Variants in ITSN1 observed in about 807,000 individuals in gnomAD.
ITSN1 encodes intersectin-1.
In ITSN1, 58 loss-of-function variants were observed where a neutral mutation model predicts 239.8. The observed-to-expected ratio is 0.24, with a 90% confidence interval of 0.20 to 0.30. The LOEUF (loss-of-function observed/expected upper bound fraction) is 0.30, where lower values mean the gene tolerates loss of function less well. ITSN1 is among the 10% of genes least tolerant of loss of function. The pLI is 1.00. For synonymous variants in ITSN1, 780 were observed against 770.8 expected, an observed-to-expected ratio of 1.01 and a Z score of -0.20; for missense variants, 1,558 against 2,103.3, an observed-to-expected ratio of 0.74 and a Z score of 5.07.
intron 1 of ITSN1, among the ~76,000 whole-genome samples, chr21:33,717,588 C>T (rs1196383849): frequency 6.6e-6 from 1 of 152,016 alleles, no homozygotes; most frequent in Non-Finnish European, 1.5e-5. Context: ...CGGAGTCTGG[C>T]TAAGTCACCC....
rs1986440309 is a variant in ITSN1, at chr21:33,892,652, A to T, written c.*4352A>T. ...CTCTAGAACAGCCCTAACCTGCACT[A>T]GTGAGGGGGGCTCAGGAATTCCCAT... is the stretch of plus-strand genomic sequence containing the variant. On this transcript the variant is annotated 3_prime_UTR_variant, in exon 40 of 40. Transcript: ENST00000381318. 1.3e-5 allele frequency: 2 copies of T among 152,208 alleles called. No individual in the cohort carries two copies. The highest frequency in any genetic ancestry group is 4.1e-4 in the South Asian group (2 of 4,836). The allele number at this position is 152,208 out of a possible 1,614,324, so 9.4% of individuals were successfully genotyped here.
rs955517591 is a variant in ITSN1 at position 33,721,073 on chromosome 21, A to G, written c.29-105A>G. 9 of 727,808 alleles carry G rather than the reference A, an allele frequency of 1.2e-5. No individual in the cohort carries two copies. In the Admixed American group the frequency reaches 1.3e-4, roughly 10 times the overall value. 45.1% of individuals were successfully genotyped at this position (727,808 alleles called of 1,614,324 possible). ...GAAGATGTGAATTTATCAAGTCTTT[A>G]TAATACATTGACAGAATCTTGAAGT... is the stretch of plus-strand genomic sequence containing the variant. On this transcript the variant is annotated intron_variant, in intron 2 of 39. Transcript: ENST00000381318.
chr21:33,765,888 A>G lies in ITSN1; in HGVS notation c.802A>G (p.Ile268Val), dbSNP rs2068689412. 2 of 1,614,040 alleles carry G rather than the reference A, an allele frequency of 1.2e-6. No individual in the cohort carries two copies. The highest frequency in any genetic ancestry group is 1.3e-5 in the African/African-American group (1 of 74,932). The change falls in exon 10 of 40, where the codon ATT (isoleucine) becomes GTT (valine). Residue 268 changes from isoleucine (I) to valine (V), a missense_variant. Around this residue, in one of 2 missense-constraint regions of ITSN1, gnomAD observed 982 missense variants for 1,209.9 expected, o/e 0.81. Coordinates refer to ENST00000381318, the MANE Select transcript of ITSN1 (RefSeq NM_003024.3). ...TTTGTTGAATAGGAATCTTTCTGAC[A>G]TTGATCAAGATGGAAAACTTACAGC... ...QLASIWNLSD[I>V]DQDGKLTAEE...
intron 31 of ITSN1, among the ~76,000 whole-genome samples, chr21:33,860,257 A>G (rs924351811): frequency 1.3e-5 from 2 of 151,704 alleles, no homozygotes; most frequent in African/African-American, 4.8e-5. Flanking sequence ...TAGTAAGCCA[A>G]GATCGCACCA....
At chr21:33,841,543 A>G (rs2834275) in intron 29 of ITSN1, among the ~76,000 whole-genome samples, 17,554 of 152,100 alleles carry the variant, frequency 0.12, 2,820 homozygotes, top group African/African-American at 0.36. Context: ...CTTCCCAAAA[A>G]CAACAGTGGC....
chr21:33,822,932 G>A (rs184469684), intron 24 of ITSN1, among the ~76,000 whole-genome samples: 71 of 152,246 alleles, frequency 4.7e-4, no homozygotes, highest in Admixed American at 4.4e-3. Context: ...GGCACAATAG[G>A]ACATAAGTTT....
intron 1 of ITSN1, among the ~76,000 whole-genome samples, chr21:33,687,069 G>A (rs1420602178): frequency 6.6e-6 from 1 of 152,102 alleles, no homozygotes; most frequent in African/African-American, 2.4e-5. Flanking sequence ...GGTGGCCCAT[G>A]CCTGTAATCC....
rs144552454 is a variant in ITSN1, at chr21:33,849,704, C to T, written c.3662-7032C>T. Among the ~76,000 whole-genome samples, 24 of 152,088 alleles carry T rather than the reference C, an allele frequency of 1.6e-4. No homozygotes were observed. The East Asian group carries it at 4.2e-3, about 27-fold the overall frequency. ...CACAAAGGATAAATGCTTGAGGGGA[C>T]GGATACCCCATTCTTATGATGTGAT... On this transcript the variant is annotated intron_variant, in intron 29 of 39. Coordinates refer to ENST00000381318, the MANE Select transcript of ITSN1 (RefSeq NM_003024.3).
chr21:33,774,516 A>G, intron 12 of ITSN1: 1 of 447,108 alleles, frequency 2.2e-6, no homozygotes, highest in Admixed American at 3.8e-5. Flanking sequence ...ATATAGTATT[A>G]TGTAAATATA....
chr21:33,794,549 T>G, intron 17 of ITSN1, 81 bp downstream of exon 17: 1 of 1,525,582 alleles, frequency 6.6e-7, no homozygotes, highest in Non-Finnish European at 8.8e-7. Flanking sequence ...TCCAAGTAGT[T>G]ACTGCACCAG....
In ITSN1 at chr21:33,720,944, T is replaced by G. The variant is rs144446743; in HGVS notation, c.29-234T>G. On this transcript the variant is annotated intron_variant, in intron 2 of 39. Transcript: ENST00000381318. ...AACAAGTTTCTAAAAAAGGAATGTG[T>G]GCCTCTTCTTTTCTTTCCCTCCCAT... 4.4e-3 allele frequency among the ~76,000 whole-genome samples: 666 copies of G among 152,320 alleles called. 8 individuals carry two copies. The highest frequency in any genetic ancestry group is 0.015 in the African/African-American group (633 of 41,568).
At position 33,724,239 on chromosome 21, in the gene ITSN1, G is replaced by A. The variant is rs991853551; in HGVS notation, c.185+1588G>A. 1.8e-4 allele frequency among the ~76,000 whole-genome samples: 27 copies of A among 152,216 alleles called. 1 individual carries two copies. Among genetic ancestry groups the A allele is most frequent in the Admixed American group, 1.4e-3 (22 of 15,292 alleles). ...GCCGCCAGACTGTCTCTAAACTAGT[G>A]TGCTTGCTCCTCTGAAGCCATTCTA... On this transcript the variant is annotated intron_variant, in intron 4 of 39. Transcript: ENST00000381318.
chr21:33,707,896 C>G (rs773439029), intron 1 of ITSN1, among the ~76,000 whole-genome samples: 3 of 152,158 alleles, frequency 2.0e-5, no homozygotes, highest in Non-Finnish European at 4.4e-5. Context: ...TTTCATTTCT[C>G]TTAACCAAAT....
chr21:33,690,796 T>C (rs1201923438), intron 1 of ITSN1, among the ~76,000 whole-genome samples: 1 of 20,924 alleles, frequency 4.8e-5, no homozygotes, highest in East Asian at 5.5e-4. Context: ...TATACATATA[T>C]ATATATATAT....
chr21:33,754,924 T>C (rs1340792963), intron 7 of ITSN1, among the ~76,000 whole-genome samples: 3 of 152,216 alleles, frequency 2.0e-5, no homozygotes, highest in Non-Finnish European at 2.9e-5. Flanking sequence ...AGCATTGCTT[T>C]TTAACCAAAA....
rs147385135 is a variant in ITSN1 at position 33,693,266 on chromosome 21, G to A, written c.-32-25531G>A. ...CAGATACATAGCCGCTCTTCTCTTGGGACTAGTCTTGATACCTTTTGTATT... is the reference window on the plus strand; with the variant it reads ...CAGATACATAGCCGCTCTTCTCTTGAGACTAGTCTTGATACCTTTTGTATT... On this transcript the variant is annotated intron_variant, in intron 1 of 39. Coordinates refer to ENST00000381318, the MANE Select transcript of ITSN1 (RefSeq NM_003024.3). Among the ~76,000 whole-genome samples, 8 of 151,924 alleles carry A rather than the reference G, an allele frequency of 5.3e-5. No individual in the cohort carries two copies. In the East Asian group the frequency reaches 1.4e-3, roughly 26 times the overall value.
At chr21:33,649,791 C>G (rs1244489283) in intron 1 of ITSN1, among the ~76,000 whole-genome samples, 1 of 151,476 alleles carries the variant, frequency 6.6e-6, no homozygotes, top group South Asian at 2.1e-4. Context: ...CCGAGGTGTG[C>G]GGATCATGAG....
chr21:33,791,041 C>G (rs561281631), intron 16 of ITSN1, among the ~76,000 whole-genome samples: 3 of 152,172 alleles, frequency 2.0e-5, no homozygotes, highest in Admixed American at 6.5e-5. Context: ...GTCATTCACT[C>G]ATTTTTTTAA....
intron 33 of ITSN1, among the ~76,000 whole-genome samples, chr21:33,869,924 AG>A (rs1419810783): frequency 6.6e-6 from 1 of 152,206 alleles, no homozygotes; most frequent in Non-Finnish European, 1.5e-5. Context: ...CATGTATATT[AG>A]AACTCATGAA....
Sources: allele counts gnomAD v4.1 joint callset (sites outside exome capture counted in the v4.1 genomes callset), GRCh38; gene constraint gnomAD v4.1.1; regional missense constraint gnomAD v4.1.1; transcripts MANE v1.5; gene names NCBI Gene and HGNC (gene_info 2026-07-23, HGNC 2026-07-21).